CWF19L1: variants seen among roughly 807,000 people sequenced by gnomAD.
The protein encoded by CWF19L1 is CWF19-like protein 1.
Under a neutral mutation model 69.7 loss-of-function variants are expected in CWF19L1, and 60 were observed. The observed-to-expected ratio is 0.86, with a 90% CI of 0.70 to 1.07. CWF19L1 has a LOEUF of 1.07. CWF19L1 is among the 50% of genes least tolerant of loss of function. The pLI is 0.00. For missense variants in CWF19L1, 591 were observed against 638.9 expected, an observed-to-expected ratio of 0.92 and a Z score of 0.81; for synonymous variants, 209 against 222.2, an observed-to-expected ratio of 0.94 and a Z score of 0.53.
chr10:100,238,466 G>A (rs1009800918), intron 10 of CWF19L1, among the ~76,000 whole-genome samples: 3 of 152,196 alleles, frequency 2.0e-5, no homozygotes, highest in Non-Finnish European at 4.4e-5. Flanking sequence ...AAATGAACTA[G>A]GAGCAAATGA....
chr10:100,237,251 T>C (rs1343827662), intron 11 of CWF19L1: 2 of 617,564 alleles, frequency 3.2e-6, no homozygotes, highest in Admixed American at 1.9e-5. Flanking sequence ...GTGGCAGAGT[T>C]AGGCCCATTT....
At chr10:100,242,958 T>C (rs984230061) in intron 10 of CWF19L1, among the ~76,000 whole-genome samples, 12 of 152,212 alleles carry the variant, frequency 7.9e-5, no homozygotes, top group African/African-American at 2.7e-4. Context: ...AAACTGGCTA[T>C]TGCTATAACA....
chr10:100,260,360 T>C (rs552203294), intron 3 of CWF19L1, 41 bp from the exon 4 acceptor site: 1 of 1,156,766 alleles, frequency 8.6e-7, no homozygotes, highest in African/African-American at 1.5e-5. Context: ...AGTTACCAGA[T>C]CTGCTTTAGA....
rs145620865 is a variant in CWF19L1, at chr10:100,266,403, G to A, written c.23+1168C>T. Among the ~76,000 whole-genome samples, 605 of 151,422 alleles carry A rather than the reference G, an allele frequency of 4.0e-3. 3 individuals carry two copies. Among genetic ancestry groups the A allele is most frequent in the African/African-American group, 0.014 (581 of 41,254 alleles). ...GGGGCCTTGCTATATTGCCCAGGCT[G>A]GTCTTGAATTCCTGGACTCAAGTGA... On this transcript the variant is annotated intron_variant, in intron 1 of 13. Transcript: ENST00000354105.
At chr10:100,264,993 C>T (rs1194003378) in intron 1 of CWF19L1, among the ~76,000 whole-genome samples, 4 of 151,902 alleles carry the variant, frequency 2.6e-5, no homozygotes, top group Admixed American at 2.0e-4. Flanking sequence ...TGGTAGCTTC[C>T]GCCTGTAGTC....
intron 10 of CWF19L1, among the ~76,000 whole-genome samples, chr10:100,239,624 AC>A (rs943136259): frequency 1.6e-4 from 24 of 152,334 alleles, no homozygotes; most frequent in Admixed American, 1.4e-3. Flanking sequence ...GGGCGACAGA[AC>A]AAGACTGTCT....
At chr10:100,240,796 G>C (rs2134282001) in intron 10 of CWF19L1, among the ~76,000 whole-genome samples, 1 of 152,102 alleles carries the variant, frequency 6.6e-6, no homozygotes, top group African/African-American at 2.4e-5. Flanking sequence ...GTGTGGGAGA[G>C]AAAAATAGCA....
At chr10:100,255,658 G>A (rs1273207023) in intron 5 of CWF19L1, among the ~76,000 whole-genome samples, 1 of 151,922 alleles carries the variant, frequency 6.6e-6, no homozygotes, top group African/African-American at 2.4e-5. Flanking sequence ...AGCTACTTGG[G>A]AGGCTGAGGC....
chr10:100,252,710 C>T (rs1174895247), intron 6 of CWF19L1, among the ~76,000 whole-genome samples: 1 of 151,296 alleles, frequency 6.6e-6, no homozygotes, highest in African/African-American at 2.4e-5. Flanking sequence ...GTGGCACGCA[C>T]CTGTAATCCT....
Position 100,233,136 on chromosome 10 carries a change from A to G in CWF19L1, c.*91T>C. On this transcript the variant is annotated 3_prime_UTR_variant, in exon 14 of 14. Transcript: ENST00000354105. ...GCAATCCTGCTTGGGTGACAGAGCG[A>G]GACTTTGTCTCAAAAAAAATTCTTT... 7.5e-7 allele frequency: 1 copy of G among 1,339,936 alleles called. No individual in the cohort carries two copies. Among genetic ancestry groups the G allele is most frequent in the Non-Finnish European group, 1.0e-6 (1 of 997,312 alleles). 83.0% of individuals were successfully genotyped at this position (1,339,936 alleles called of 1,614,324 possible).
intron 8 of CWF19L1, 31 bp from the exon 9 acceptor site, chr10:100,245,944 T>A: frequency 6.7e-7 from 1 of 1,503,096 alleles, no homozygotes; most frequent in Non-Finnish European, 9.3e-7. Flanking sequence ...AGATTAAATG[T>A]TATTCAACTA....
At chr10:100,252,867 A>T (rs117747280) in intron 6 of CWF19L1, among the ~76,000 whole-genome samples, 3,821 of 151,520 alleles carry the variant, frequency 0.025, 75 homozygotes, top group South Asian at 0.074. Flanking sequence ...AAAATTTTTT[A>T]AATTTTCCCT....
At chr10:100,244,418 C>T (rs34421870) in intron 9 of CWF19L1, among the ~76,000 whole-genome samples, 11,440 of 152,202 alleles carry the variant, frequency 0.075, 587 homozygotes, top group African/African-American at 0.14. Context: ...TACAGTGGCG[C>T]GATCTCGGCT....
At chr10:100,239,212 C>G (rs773577179) in intron 10 of CWF19L1, among the ~76,000 whole-genome samples, 18 of 152,112 alleles carry the variant, frequency 1.2e-4, no homozygotes, top group East Asian at 1.9e-4. Flanking sequence ...TTAATGGCAA[C>G]TAAAAATATT....
intron 10 of CWF19L1, 146 bp downstream of exon 10, chr10:100,243,552 T>C (rs1275238432): frequency 1.4e-6 from 1 of 705,850 alleles, no homozygotes; most frequent in Non-Finnish European, 2.5e-6. Flanking sequence ...TACCACGTGA[T>C]GGTGGCATAA....
At chr10:100,244,598 G>A (rs1206539117) in intron 9 of CWF19L1, among the ~76,000 whole-genome samples, 2 of 152,010 alleles carry the variant, frequency 1.3e-5, no homozygotes, top group South Asian at 2.1e-4. Context: ...CTCATGATCC[G>A]CCCACCTCGG....
chr10:100,260,374 TAA>T (rs1847359083), intron 3 of CWF19L1, 55 bp from the exon 4 acceptor site: 3 of 926,670 alleles, frequency 3.2e-6, no homozygotes, highest in Non-Finnish European at 5.2e-6. Flanking sequence ...CTTTAGAACT[TAA>T]GATATGCCTC....
At position 100,233,188 on chromosome 10, in the gene CWF19L1, T is replaced by A; in HGVS notation, c.*39A>T. 1.3e-6 allele frequency: 2 copies of A among 1,483,944 alleles called. No homozygotes were observed. The highest frequency in any genetic ancestry group is 1.8e-6 in the Non-Finnish European group (2 of 1,100,854). The allele number at this position is 1,483,944 out of a possible 1,614,324, so 91.9% of individuals were successfully genotyped here. A position where few individuals can be genotyped will look rare whatever the true frequency, so the allele number is the denominator to read the frequency against. ...AATTAAAAAAAAAAAAAAGCTTTAC[T>A]ACTTCCTGTGGAGTTCATAAAAAGT... is the stretch of plus-strand genomic sequence containing the variant. On this transcript the variant is annotated 3_prime_UTR_variant, in exon 14 of 14. Coordinates refer to ENST00000354105, the MANE Select transcript of CWF19L1 (RefSeq NM_018294.6).
At chr10:100,266,107 T>C (rs1481349479) in intron 1 of CWF19L1, among the ~76,000 whole-genome samples, 1 of 151,870 alleles carries the variant, frequency 6.6e-6, no homozygotes, top group East Asian at 1.9e-4. Flanking sequence ...CCTTCTTGAC[T>C]CCTATCATTA....
Sources: gnomAD v4.1 joint callset for allele counts (sites outside exome capture counted in the v4.1 genomes callset) on GRCh38, gnomAD v4.1.1 for gene constraint, MANE v1.5 for transcripts, NCBI Gene and HGNC (gene_info 2026-07-23, HGNC 2026-07-21) for gene names.